The following TSPAN5 variants were observed in gnomAD, a reference collection of about 807,000 sequenced individuals.
TSPAN5 encodes the protein tetraspanin-5.
Under a neutral mutation model 37.1 loss-of-function variants are expected in TSPAN5, and 10 were observed. That is an observed-to-expected ratio of 0.27 (90% CI 0.17 to 0.46). TSPAN5 has a LOEUF of 0.46. TSPAN5 is among the 20% of genes least tolerant of loss of function. The pLI is 1.00. For synonymous variants in TSPAN5, 110 were observed against 118.9 expected, an observed-to-expected ratio of 0.93 and a Z score of 0.48; for missense variants, 195 against 326.6, an observed-to-expected ratio of 0.60 and a Z score of 3.11.
chr4:98,563,112 T>G (rs977466982), intron 1 of TSPAN5, among the ~76,000 whole-genome samples: 2 of 152,140 alleles, frequency 1.3e-5, no homozygotes, highest in Non-Finnish European at 2.9e-5. Context: ...GTACAGCTAT[T>G]ACGACCATTT....
intron 1 of TSPAN5, among the ~76,000 whole-genome samples, chr4:98,580,296 A>G (rs75884586): frequency 0.019 from 2,951 of 152,314 alleles, 111 homozygotes; most frequent in African/African-American, 0.066. Context: ...TGGACTGCAC[A>G]GTTGAGTCCA....
intron 1 of TSPAN5, among the ~76,000 whole-genome samples, chr4:98,619,858 C>A (rs11937119): frequency 0.58 from 87,373 of 151,942 alleles, 26,510 homozygotes; most frequent in African/African-American, 0.77. Flanking sequence ...ACTCTCACTG[C>A]GTCCTCACGT....
chr4:98,579,107 G>A (rs533310373), intron 1 of TSPAN5, among the ~76,000 whole-genome samples: 10 of 152,214 alleles, frequency 6.6e-5, no homozygotes, highest in African/African-American at 1.9e-4. Flanking sequence ...AGCTGTTAGA[G>A]CAGAACAGGT....
chr4:98,494,038 A>G (rs530522941), intron 2 of TSPAN5, among the ~76,000 whole-genome samples: 1 of 152,302 alleles, frequency 6.6e-6, no homozygotes, highest in Admixed American at 6.5e-5. Context: ...TAGCAAAGAG[A>G]CCAGTATATG....
intron 1 of TSPAN5, among the ~76,000 whole-genome samples, chr4:98,586,206 C>T (rs1755480842): frequency 6.6e-6 from 1 of 152,186 alleles, no homozygotes; most frequent in Non-Finnish European, 1.5e-5. Flanking sequence ...CTATTATTTT[C>T]TTCTTAAGTC....
chr4:98,642,390 A>G (rs1480654042), intron 1 of TSPAN5, among the ~76,000 whole-genome samples: 2 of 152,198 alleles, frequency 1.3e-5, no homozygotes, highest in African/African-American at 4.8e-5. Context: ...TTCATAGTTC[A>G]AAGAGTTTCT....
chr4:98,597,615 G>A (rs949523013), intron 1 of TSPAN5, among the ~76,000 whole-genome samples: 2 of 57,904 alleles, frequency 3.5e-5, no homozygotes, highest in Admixed American at 2.2e-4. Flanking sequence ...ATGGGTTTTC[G>A]GTGTAGATGT....
chr4:98,532,264 C>T (rs1287456559), intron 1 of TSPAN5, among the ~76,000 whole-genome samples: 1 of 152,174 alleles, frequency 6.6e-6, no homozygotes, highest in Non-Finnish European at 1.5e-5. Flanking sequence ...AGCATTGAAT[C>T]TATAATTACC....
chr4:98,490,454 G>A (rs1753061190), intron 2 of TSPAN5, among the ~76,000 whole-genome samples: 1 of 152,136 alleles, frequency 6.6e-6, no homozygotes, highest in African/African-American at 2.4e-5. Flanking sequence ...TTAATTGAGA[G>A]CCTTCAACTG....
Position 98,471,533 on chromosome 4 carries a change from G to C in TSPAN5, c.*989C>G, listed in dbSNP as rs531241378. 2 of 152,330 alleles carry C rather than the reference G, an allele frequency of 1.3e-5. No homozygotes were observed. Among genetic ancestry groups the C allele is most frequent in the East Asian group, 3.9e-4 (2 of 5,184 alleles). The allele number at this position is 152,330 out of a possible 1,614,324, so 9.4% of individuals were successfully genotyped here. A position where few individuals can be genotyped will look rare whatever the true frequency, so the allele number is the denominator to read the frequency against. ...AAGCTGGCAGGAAAGGGAGATGATG[G>C]ATTCAGATTCACAGGTCATGCAGAT... On this transcript the variant is annotated 3_prime_UTR_variant, in exon 8 of 8. Transcript: ENST00000305798.
rs375896817 is a variant in TSPAN5 at position 98,598,314 on chromosome 4, A to C, written c.81+59832T>G. ...TTCGGCTCGCGCACGGTGCGCACAC[A>C]CACTGGCCTGCGCCCACTGTCTGGC... On this transcript the variant is annotated intron_variant, in intron 1 of 7. Transcript: ENST00000305798. Among the ~76,000 whole-genome samples the C allele has an allele frequency of 6.3e-5, 9 of 142,562 alleles. No homozygotes were observed. In the East Asian group the frequency reaches 1.1e-3, roughly 17 times the overall value. The allele number at this position is 142,562 out of a possible 152,430, so 93.5% of individuals were successfully genotyped here. A position where few individuals can be genotyped will look rare whatever the true frequency, so the allele number is the denominator to read the frequency against.
chr4:98,491,513 C>T (rs958470776), intron 2 of TSPAN5, among the ~76,000 whole-genome samples: 6 of 152,084 alleles, frequency 3.9e-5, no homozygotes, highest in African/African-American at 1.4e-4. Context: ...CACAGTGAAA[C>T]CCAGTCTCAA....
chr4:98,475,000 T>C (rs1430684325), intron 7 of TSPAN5, among the ~76,000 whole-genome samples: 3 of 152,210 alleles, frequency 2.0e-5, no homozygotes, highest in African/African-American at 7.2e-5. Context: ...TCTTGATTTT[T>C]CAATTTTATT....
At chr4:98,553,835 G>A (rs1448287156) in intron 1 of TSPAN5, among the ~76,000 whole-genome samples, 2 of 152,174 alleles carry the variant, frequency 1.3e-5, no homozygotes, top group Admixed American at 1.3e-4. Context: ...AGGAGGCTGA[G>A]GCAAGTGGAT....
At chr4:98,558,042 C>A (rs1350836076) in intron 1 of TSPAN5, among the ~76,000 whole-genome samples, 2 of 152,088 alleles carry the variant, frequency 1.3e-5, no homozygotes, top group African/African-American at 4.8e-5. Context: ...CTAAGGAAGT[C>A]TGAATAAGGT....
intron 2 of TSPAN5, among the ~76,000 whole-genome samples, chr4:98,490,471 C>T (rs1481962725): frequency 2.6e-5 from 4 of 152,078 alleles, no homozygotes; most frequent in South Asian, 2.1e-4. Flanking sequence ...ACTGTTTCCA[C>T]GGAAACAACA....
In TSPAN5 at chr4:98,486,758, T is replaced by G. The variant is rs757713242; in HGVS notation, c.259A>C (p.Asn87His). 6.2e-7 allele frequency: 1 copy of G among 1,613,996 alleles called. No homozygotes were observed. The highest frequency in any genetic ancestry group is 1.7e-5 in the Admixed American group (1 of 59,998). ...CTTACAAACTTGAGAAGGAAAGTGT[T>G]TTCCCGTAGCGCTCCAATGCACCCT... The part of the protein sequence containing the change: ...FAGCIGALRE[N>H]TFLLKFFSVF... The change falls in exon 3 of 8, where the codon AAC becomes CAC. Residue 87 changes from asparagine to histidine, a missense_variant. Coordinates refer to ENST00000305798, the MANE Select transcript of TSPAN5 (RefSeq NM_005723.4).
intron 1 of TSPAN5, among the ~76,000 whole-genome samples, chr4:98,619,822 G>A (rs1264381488): frequency 6.6e-6 from 1 of 152,140 alleles, no homozygotes; most frequent in Non-Finnish European, 1.5e-5. Context: ...GTCTGGCGAG[G>A]CTCATCTCTG....
At chr4:98,580,576 C>A (rs1254789692) in intron 1 of TSPAN5, among the ~76,000 whole-genome samples, 1 of 152,094 alleles carries the variant, frequency 6.6e-6, no homozygotes, top group East Asian at 1.9e-4. Context: ...GAGCAGACAC[C>A]AGAATACCAA....
Sources: allele counts gnomAD v4.1 joint callset (sites outside exome capture counted in the v4.1 genomes callset), GRCh38; gene constraint gnomAD v4.1.1; transcripts MANE v1.5; gene names NCBI Gene and HGNC (gene_info 2026-07-23, HGNC 2026-07-21).